The following ASCC3 variants were observed in gnomAD, a reference collection of about 807,000 sequenced individuals.
The protein encoded by ASCC3 is ASC-1 complex subunit P200.
In ASCC3, 158 loss-of-function variants were observed where a neutral mutation model predicts 256.3. That is an observed-to-expected ratio of 0.62 (90% CI 0.54 to 0.70). The LOEUF is 0.70. Ranked by LOEUF, ASCC3 falls within the 30% of genes least tolerant of loss-of-function variation. The probability of loss-of-function intolerance (pLI) is 0.00; values close to 1 mark genes in which losing one functional copy is unlikely to be tolerated. For missense variants in ASCC3, 2,259 were observed against 2,626.0 expected (o/e 0.86, Z 3.05); for synonymous variants, 948 against 883.4 (o/e 1.07, Z -1.30).
At chr6:100,848,736 G>A (rs1435766285) in intron 3 of ASCC3, 29 bp from the exon 4 acceptor site, 14 of 1,595,976 alleles carry the variant, frequency 8.8e-6, no homozygotes, top group Non-Finnish European at 1.2e-5. Context: ...AACAGTATTA[G>A]CTCAATTGAA....
intron 36 of ASCC3, among the ~76,000 whole-genome samples, chr6:100,555,137 T>A (rs1281777528): frequency 6.7e-6 from 1 of 150,342 alleles, no homozygotes; most frequent in African/African-American, 2.5e-5. Context: ...AAAAAAAAAA[T>A]AGCCCTATGT....
At chr6:100,605,263 T>A (rs920057337) in intron 33 of ASCC3, among the ~76,000 whole-genome samples, 2 of 152,130 alleles carry the variant, frequency 1.3e-5, no homozygotes, top group Non-Finnish European at 2.9e-5. Context: ...AATAAGGCAA[T>A]GAGGTGTTAA....
intron 4 of ASCC3, chr6:100,847,883 C>A: frequency 3.3e-6 from 1 of 305,826 alleles, no homozygotes. Flanking sequence ...TGACATCAAA[C>A]CAGCACTGTC....
At chr6:100,820,167 T>C (rs1770966339) in intron 4 of ASCC3, among the ~76,000 whole-genome samples, 1 of 152,186 alleles carries the variant, frequency 6.6e-6, no homozygotes, top group Admixed American at 6.5e-5. Context: ...TCAGATGGAA[T>C]AGCAGAAAAC....
chr6:100,811,575 T>TA (rs1395572866), intron 4 of ASCC3, among the ~76,000 whole-genome samples: 1 of 151,790 alleles, frequency 6.6e-6, no homozygotes, highest in African/African-American at 2.4e-5. Flanking sequence ...CAAAACACAG[T>TA]AAAAAACACT....
intron 13 of ASCC3, among the ~76,000 whole-genome samples, chr6:100,695,945 G>A (rs927492339): frequency 6.6e-6 from 1 of 152,176 alleles, no homozygotes; most frequent in African/African-American, 2.4e-5. Context: ...CTTTTAGTAT[G>A]CAGGTAGGGC....
intron 10 of ASCC3, among the ~76,000 whole-genome samples, chr6:100,763,414 G>T (rs1781503551): frequency 6.6e-6 from 1 of 152,188 alleles, no homozygotes. Context: ...GGGCAAATGG[G>T]TAAGAAATAG....
rs750398462 is a variant in ASCC3 at position 100,655,680 on chromosome 6, T to A, written c.2823+19A>T. The A allele has an allele frequency of 4.1e-5, 66 of 1,607,210 alleles. No homozygotes were observed. The highest frequency in any genetic ancestry group is 5.3e-5 in the Non-Finnish European group (62 of 1,178,326). ...AAAAAGAAGGTCTGAATTTTTTTTT[T>A]AATAAATGAGTTTTCTACCTGATAA... is the stretch of plus-strand genomic sequence containing the variant. On this transcript the variant is annotated intron_variant, in intron 17 of 41. Coordinates refer to ENST00000369162, the MANE Select transcript of ASCC3 (RefSeq NM_006828.4).
At position 100,509,065 on chromosome 6, in the gene ASCC3, A is replaced by C. The variant is rs1773629708; in HGVS notation, c.*321T>G. On this transcript the variant is annotated 3_prime_UTR_variant, in exon 42 of 42. Coordinates refer to ENST00000369162, the MANE Select transcript of ASCC3 (RefSeq NM_006828.4). ...CAGCCAATATCCATGTAAACAGTAC[A>C]TTGTGAGATGTAAAATTTGATTGAT... 2.8e-6 allele frequency: 1 copy of C among 362,454 alleles called. No homozygotes were observed. Among genetic ancestry groups the C allele is most frequent in the Non-Finnish European group, 5.3e-6 (1 of 188,738 alleles). The allele number at this position is 362,454 out of a possible 1,614,324, so 22.5% of individuals were successfully genotyped here.
At chr6:100,647,081 A>G in intron 21 of ASCC3, 145 bp downstream of exon 21, 1 of 874,608 alleles carries the variant, frequency 1.1e-6, no homozygotes, top group Non-Finnish European at 1.8e-6. Flanking sequence ...TTTTCGCTTG[A>G]TTTTAGATAA....
intron 13 of ASCC3, among the ~76,000 whole-genome samples, chr6:100,699,668 G>A (rs906219167): frequency 2.0e-5 from 3 of 152,182 alleles, no homozygotes; most frequent in African/African-American, 7.2e-5. Context: ...GATCTCCCTA[G>A]AGACTTGTTG....
In ASCC3 at chr6:100,644,067, A is replaced by G; in HGVS notation, c.3696T>C (p.Ile1232=). 6.2e-7 allele frequency: 1 copy of G among 1,612,850 alleles called. No homozygotes were observed. The highest frequency in any genetic ancestry group is 2.2e-5 in the East Asian group (1 of 44,722). ...GAGCTAGAAAATACTCTGAATGATA[A>G]ATATGATCATTTGTAGGATCTTCTA... is the stretch of plus-strand genomic sequence containing the variant. ...IWVEDPTNDH[I]YHSEYFLALK... Residue 1232 remains isoleucine, a synonymous_variant, in exon 23 of 42, where the codon ATT becomes ATC. Transcript: ENST00000369162.
chr6:100,711,412 T>C (rs951952712), intron 13 of ASCC3, among the ~76,000 whole-genome samples: 10 of 152,190 alleles, frequency 6.6e-5, no homozygotes, highest in African/African-American at 2.2e-4. Flanking sequence ...AGAAGAAATA[T>C]TTAAGAGTAC....
At chr6:100,772,930 T>A (rs7754085) in intron 8 of ASCC3, among the ~76,000 whole-genome samples, 83,472 of 152,030 alleles carry the variant, frequency 0.55, 23,291 homozygotes, top group South Asian at 0.75. Context: ...TGTTATCTTT[T>A]TAACACAAGG....
chr6:100,796,985 C>A (rs1226094588), intron 8 of ASCC3, among the ~76,000 whole-genome samples: 1 of 151,970 alleles, frequency 6.6e-6, no homozygotes, highest in Non-Finnish European at 1.5e-5. Flanking sequence ...ATAAGATATG[C>A]ACATTAAGGT....
At chr6:100,619,370 T>C (rs1035184293) in intron 30 of ASCC3, among the ~76,000 whole-genome samples, 5 of 152,152 alleles carry the variant, frequency 3.3e-5, no homozygotes, top group Non-Finnish European at 5.9e-5. Flanking sequence ...GGGAAACTTA[T>C]CCTGATGAAG....
chr6:100,831,725 A>G, intron 4 of ASCC3, among the ~76,000 whole-genome samples: 1 of 152,212 alleles, frequency 6.6e-6, no homozygotes, highest in Admixed American at 6.5e-5. Flanking sequence ...ATTCTGAACC[A>G]TAAGAAATAT....
At chr6:100,838,676 A>G (rs1051464962) in intron 4 of ASCC3, among the ~76,000 whole-genome samples, 8 of 152,102 alleles carry the variant, frequency 5.3e-5, no homozygotes, top group Non-Finnish European at 1.0e-4. Flanking sequence ...TTCCCCACAT[A>G]CTATAATTAG....
At chr6:100,833,423 C>T (rs1392470496) in intron 4 of ASCC3, among the ~76,000 whole-genome samples, 1 of 152,004 alleles carries the variant, frequency 6.6e-6, no homozygotes, top group East Asian at 1.9e-4. Context: ...ATGTATAATA[C>T]CAAGAGTGAA....
Sources: allele counts gnomAD v4.1 joint callset (sites outside exome capture counted in the v4.1 genomes callset), GRCh38; gene constraint gnomAD v4.1.1; transcripts MANE v1.5; gene names NCBI Gene and HGNC (gene_info 2026-07-23, HGNC 2026-07-21).